Variants in SFI1 observed in about 807,000 individuals in gnomAD.
SFI1 encodes the protein SFI1 centrin binding protein.
SFI1 carries 195 observed loss-of-function variants against 207.5 expected under a neutral mutation model. That is an observed-to-expected ratio of 0.94 (90% confidence interval 0.84 to 1.06). The LOEUF (loss-of-function observed/expected upper bound fraction) is 1.06, where lower values mean the gene tolerates loss of function less well. SFI1 is among the 50% of genes least tolerant of loss of function. The pLI, the probability that SFI1 is intolerant of heterozygous loss-of-function variation, is 0.00. For missense variants in SFI1, 1,634 were observed against 1,588.0 expected (o/e 1.03, Z -0.49); for synonymous variants, 630 against 598.9 (o/e 1.05, Z -0.76).
chr22:31,577,833 G>C (rs1194791208), intron 10 of SFI1: 1 of 152,316 alleles, frequency 6.6e-6, no homozygotes, highest in Non-Finnish European at 1.5e-5. Flanking sequence ...ATGGGAGGAG[G>C]CTCACTTACC....
At chr22:31,584,071 C>A (rs62237799) in intron 13 of SFI1, 99 bp downstream of exon 13, 2 of 1,026,656 alleles carry the variant, frequency 1.9e-6, no homozygotes, top group Non-Finnish European at 1.5e-6. Flanking sequence ...GTTAGTGTGG[C>A]AGATTCAGAA....
chr22:31,559,703 T>G (rs2061492935), intron 7 of SFI1: 1 of 832,616 alleles, frequency 1.2e-6, no homozygotes, highest in South Asian at 1.3e-5. Flanking sequence ...GCAGAATCCA[T>G]GCCAGTACAA....
intron 7 of SFI1, among the ~76,000 whole-genome samples, chr22:31,557,630 G>T (rs2061298820): frequency 6.6e-6 from 1 of 152,156 alleles, no homozygotes; most frequent in Non-Finnish European, 1.5e-5. Flanking sequence ...TTAAGTTTGT[G>T]TGTGCATGTG....
At chr22:31,532,654 A>G (rs1423878893) in intron 4 of SFI1, among the ~76,000 whole-genome samples, 1 of 151,856 alleles carries the variant, frequency 6.6e-6, no homozygotes, top group Non-Finnish European at 1.5e-5. Context: ...TTTTCTTTGT[A>G]TACTTTATGA....
chr22:31,506,357 G>A (rs903065753), intron 1 of SFI1, among the ~76,000 whole-genome samples: 5 of 151,686 alleles, frequency 3.3e-5, no homozygotes, highest in African/African-American at 1.2e-4. Flanking sequence ...CAGAAATTCT[G>A]TCTTTAAAAA....
At chr22:31,554,431 C>T (rs2060958426) in intron 6 of SFI1, among the ~76,000 whole-genome samples, 1 of 152,076 alleles carries the variant, frequency 6.6e-6, no homozygotes, top group South Asian at 2.1e-4. Context: ...ACCTCAGCCT[C>T]CCAATTAGCT....
chr22:31,616,599 C>T, intron 29 of SFI1, 146 bp from the exon 30 acceptor site: 2 of 823,798 alleles, frequency 2.4e-6, no homozygotes, highest in Non-Finnish European at 3.8e-6. Flanking sequence ...GCTGGCACGG[C>T]CAGTGCCTGG....
At chr22:31,521,946 G>A (rs894245631) in intron 2 of SFI1, among the ~76,000 whole-genome samples, 2 of 151,352 alleles carry the variant, frequency 1.3e-5, no homozygotes, top group East Asian at 1.9e-4. Context: ...TGTATTTTTA[G>A]TAGAGACGGG....
At chr22:31,507,462 A>C (rs2054807962) in intron 1 of SFI1, among the ~76,000 whole-genome samples, 1 of 152,252 alleles carries the variant, frequency 6.6e-6, no homozygotes, top group South Asian at 2.1e-4. Context: ...TTTCATGATG[A>C]AGATGCCAGA....
chr22:31,528,792 C>T lies in SFI1; in HGVS notation c.195C>T (p.Thr65=). Residue 65 remains threonine (T), a synonymous_variant, in exon 3 of 33, where the codon ACC becomes ACT. Transcript: ENST00000400288. ...SFGIRRELPS[T]SHLVQYRGTH... ...GGATCCGGAGGGAGTTACCTAGTAC[C>T]AGTCATCTAGTGCAGTATCGTGGCA... 6.2e-7 allele frequency: 1 copy of T among 1,614,084 alleles called. No individual in the cohort carries two copies.
chr22:31,617,035 C>G lies in SFI1; in HGVS notation c.3469C>G (p.Gln1157Glu). The G allele has an allele frequency of 6.2e-7, 1 of 1,614,034 alleles. No homozygotes were observed. Among genetic ancestry groups the G allele is most frequent in the South Asian group, 1.1e-5 (1 of 91,078 alleles). The change falls in exon 31 of 33, where the codon CAG (glutamine) becomes GAG (glutamate). Residue 1157 changes from glutamine (Q) to glutamate (E), a missense_variant. Gln to Glu is a conservative substitution (Grantham distance 29). Transcript: ENST00000400288. The part of the protein sequence containing the change: ...LDLEAELEEI[Q>E]QQLLHYQTTK... ...CCTTGAGGCTGAACTTGAGGAGATC[C>G]AGCAGCAACTACTGCACTACCAGAC...
chr22:31,535,454 G>A (rs1329096298), intron 4 of SFI1, among the ~76,000 whole-genome samples: 1 of 151,734 alleles, frequency 6.6e-6, no homozygotes, highest in Non-Finnish European at 1.5e-5. Flanking sequence ...CTCCCAAAGT[G>A]TTTGGATTAC....
intron 11 of SFI1, among the ~76,000 whole-genome samples, chr22:31,579,051 C>G (rs554120912): frequency 6.6e-6 from 1 of 152,186 alleles, no homozygotes; most frequent in African/African-American, 2.4e-5. Context: ...ATTCAAACTT[C>G]TGGGCTCAAG....
At chr22:31,496,506 AGACTGGCGTCTAGAGGCG>A (rs2052668369), upstream of SFI1, 4 of 152,126 alleles carry the variant, frequency 2.6e-5, no homozygotes, top group African/African-American at 9.7e-5. Flanking sequence ...GGCCCGCGCG[AGACTGGCGTCTAGAGGCG>A]CGCGAAGCGC....
rs1268335495 is a variant in SFI1 at position 31,510,572 on chromosome 22, T to G, written c.92+2196T>G. ...CCTCAGCCTCCCGAGTAGCTGAGAT[T>G]ACAGATGCATGCCACCACGCCTGGC... On this transcript the variant is annotated intron_variant, in intron 2 of 32. Coordinates refer to ENST00000400288, the MANE Select transcript of SFI1 (RefSeq NM_001007467.3). 6.2e-4 allele frequency among the ~76,000 whole-genome samples: 94 copies of G among 152,062 alleles called. 1 individual carries two copies.
At chr22:31,573,305 A>G in intron 9 of SFI1, 91 bp downstream of exon 9, 1 of 1,370,594 alleles carries the variant, frequency 7.3e-7, no homozygotes, top group Non-Finnish European at 9.8e-7. Context: ...GAAGTAATAT[A>G]ATGGTGCTAC....
chr22:31,582,088 C>G (rs1254438527), intron 12 of SFI1, among the ~76,000 whole-genome samples: 1 of 150,104 alleles, frequency 6.7e-6, no homozygotes, highest in Non-Finnish European at 1.5e-5. Flanking sequence ...TTAAGGATCA[C>G]TAACTCCATT....
intron 4 of SFI1, among the ~76,000 whole-genome samples, chr22:31,546,179 A>G (rs1569271113): frequency 2.0e-5 from 3 of 151,560 alleles, no homozygotes; most frequent in East Asian, 3.9e-4. Context: ...AAGCCACCAC[A>G]TCCAGCCCTA....
intron 2 of SFI1, among the ~76,000 whole-genome samples, chr22:31,512,726 G>T (rs2146778639): frequency 6.6e-6 from 1 of 150,734 alleles, no homozygotes; most frequent in Middle Eastern, 3.4e-3. Context: ...TAGCTCTGTT[G>T]CCCAGGCTGG....
Sources: gnomAD v4.1 joint callset for allele counts (sites outside exome capture counted in the v4.1 genomes callset) on GRCh38, gnomAD v4.1.1 for gene constraint, MANE v1.5 for transcripts, NCBI Gene and HGNC (gene_info 2026-07-23, HGNC 2026-07-21) for gene names.